The following SLC28A3 variants were observed in gnomAD, a reference collection of about 807,000 sequenced individuals.
SLC28A3 encodes concentrative Na(+)-nucleoside cotransporter 3.
In SLC28A3, 68 loss-of-function variants were observed where a neutral mutation model predicts 84.2. That is an observed-to-expected ratio of 0.81 (90% CI 0.66 to 0.99). SLC28A3 has a LOEUF of 0.99. Among genes scored for constraint, SLC28A3 ranks in the 50% least tolerant of loss-of-function variants. The pLI, the probability that SLC28A3 is intolerant of heterozygous loss-of-function variation, is 0.00. For missense variants in SLC28A3, 712 were observed against 841.5 expected (o/e 0.85, Z 1.90); for synonymous variants, 267 against 303.6 (o/e 0.88, Z 1.25).
At chr9:84,298,821 A>G (rs1467132056) in intron 6 of SLC28A3, among the ~76,000 whole-genome samples, 3 of 152,216 alleles carry the variant, frequency 2.0e-5, no homozygotes, top group Non-Finnish European at 4.4e-5. Flanking sequence ...TGTAAAAGAG[A>G]CCAATAAACT....
chr9:84,359,875 C>A, the SLC28A3 span, among the ~76,000 whole-genome samples: 1 of 151,822 alleles, frequency 6.6e-6, no homozygotes, highest in Non-Finnish European at 1.5e-5. Flanking sequence ...GTGGCACGTG[C>A]CTGTATTCCC....
At chr9:84,320,023 C>T (rs1826310331) in intron 1 of SLC28A3, among the ~76,000 whole-genome samples, 1 of 143,938 alleles carries the variant, frequency 6.9e-6, no homozygotes, top group South Asian at 2.2e-4. Context: ...TTTACTCATT[C>T]CAGCCTGGCT....
At chr9:84,360,235 A>T in the SLC28A3 span, among the ~76,000 whole-genome samples, 21 of 151,992 alleles carry the variant, frequency 1.4e-4, no homozygotes, top group African/African-American at 5.1e-4. Flanking sequence ...TCAAGGGCCC[A>T]GATTGGAAGT....
intron 17 of SLC28A3, among the ~76,000 whole-genome samples, chr9:84,278,893 AAGAT>A (rs1174842409): frequency 2.1e-4 from 32 of 151,924 alleles, no homozygotes; most frequent in Non-Finnish European, 3.7e-4. Context: ...AAAAAAAAAA[AAGAT>A]AGTGCCCAAC....
chr9:84,344,367 T>C (rs886380916), upstream of SLC28A3, among the ~76,000 whole-genome samples: 7 of 151,910 alleles, frequency 4.6e-5, no homozygotes, highest in Admixed American at 4.6e-4. Context: ...TTTTACATTT[T>C]TAGTAGAAAC....
chr9:84,357,838 G>A, the SLC28A3 span, among the ~76,000 whole-genome samples: 3 of 152,172 alleles, frequency 2.0e-5, no homozygotes, highest in African/African-American at 7.2e-5. Context: ...CTGCCTTGAA[G>A]ATGTGGACTT....
chr9:84,281,990 AC>A (rs917221219), intron 14 of SLC28A3, among the ~76,000 whole-genome samples: 11 of 151,874 alleles, frequency 7.2e-5, no homozygotes, highest in African/African-American at 2.4e-4. Context: ...AACAAAAAAA[AC>A]ATTAGCCAGG....
At position 84,299,711 on chromosome 9, in the gene SLC28A3, G is replaced by T. The variant is rs1825552281; in HGVS notation, c.539C>A (p.Ser180Tyr). ...WFWLKWVIWS[S>Y]LVLAVIFWLA... The stretch of plus-strand genomic sequence containing the variant: ...CCAGAAAATAACTGCTAGGACCAGG[G>T]AGCTCCAGATCACCCTAAGAGAAGG... The change falls in exon 6 of 18, where the codon TCC becomes TAC. Residue 180 changes from serine (S) to tyrosine (Y), a missense_variant. Ser to Tyr is a moderately radical substitution (Grantham distance 144). Coordinates refer to ENST00000376238, the MANE Select transcript of SLC28A3 (RefSeq NM_001199633.2). The T allele has an allele frequency of 1.9e-6, 3 of 1,602,084 alleles. No individual in the cohort carries two copies. The highest frequency in any genetic ancestry group is 1.7e-4 in the Middle Eastern group (1 of 5,970).
intron 10 of SLC28A3, 24 bp from the exon 11 acceptor site, chr9:84,290,303 G>A: frequency 1.2e-6 from 2 of 1,612,510 alleles, no homozygotes; most frequent in Non-Finnish European, 1.7e-6. Flanking sequence ...AGGGTGACCA[G>A]ATTCCTTTTT....
chr9:84,280,741 T>C (rs1001682068), intron 15 of SLC28A3, 60 bp downstream of exon 15: 3 of 1,554,566 alleles, frequency 1.9e-6, no homozygotes, highest in Non-Finnish European at 1.8e-6. Flanking sequence ...CAGAGCAAAA[T>C]GGGGATCCAA....
In SLC28A3 at chr9:84,340,755, G is replaced by T. The variant is rs1046622827; in HGVS notation, c.-122C>A. 13 of 1,018,392 alleles carry T rather than the reference G, an allele frequency of 1.3e-5. No homozygotes were observed. Among genetic ancestry groups the T allele is most frequent in the East Asian group, 3.0e-5 (1 of 33,810 alleles). 63.1% of individuals were successfully genotyped at this position (1,018,392 alleles called of 1,614,324 possible). ...AGGGACCTGGGCACAGCTTGCTTCA[G>T]TTTGGAAACTTCTGCAATAATCTCC... On this transcript the variant is annotated 5_prime_UTR_variant, in exon 1 of 18. It adds an upstream start codon to the 5' untranslated region. Transcript: ENST00000376238.
intron 1 of SLC28A3, among the ~76,000 whole-genome samples, chr9:84,314,968 T>C (rs895908381): frequency 6.6e-5 from 10 of 152,050 alleles, no homozygotes; most frequent in African/African-American, 2.2e-4. Context: ...TCCCAACTAC[T>C]TGGGAGGCTG....
the SLC28A3 span, among the ~76,000 whole-genome samples, chr9:84,347,434 C>G: frequency 1.3e-5 from 2 of 152,112 alleles, no homozygotes; most frequent in African/African-American, 4.8e-5. Context: ...AATTTGAGCC[C>G]ATGCCTGTGA....
At chr9:84,360,560 A>C in the SLC28A3 span, among the ~76,000 whole-genome samples, 1 of 152,092 alleles carries the variant, frequency 6.6e-6, no homozygotes, top group Admixed American at 6.6e-5. Flanking sequence ...CAAGAGAAAA[A>C]CGTCCAGGAT....
At chr9:84,333,328 C>G (rs73466573) in intron 1 of SLC28A3, among the ~76,000 whole-genome samples, 2 of 151,906 alleles carry the variant, frequency 1.3e-5, no homozygotes, top group Admixed American at 6.6e-5. Flanking sequence ...ATGGGGGAAG[C>G]GTGTAGCTTT....
intron 17 of SLC28A3, among the ~76,000 whole-genome samples, chr9:84,278,878 G>GA (rs34802574): frequency 0.22 from 26,434 of 120,616 alleles, 2,776 homozygotes; most frequent in African/African-American, 0.33. Context: ...TTTGTGGAAT[G>GA]AAAAAAAAAA....
rs957955118 is a variant in SLC28A3, at chr9:84,286,100, T to G, written c.1292A>C (p.Asn431Thr). 3 of 1,613,440 alleles carry G rather than the reference T, an allele frequency of 1.9e-6. No individual in the cohort carries two copies. Among genetic ancestry groups the G allele is most frequent in the Non-Finnish European group, 1.7e-6 (2 of 1,179,704 alleles). Residue 431 changes from asparagine to threonine, a missense_variant, in exon 13 of 18, where the codon AAT becomes ACT. Asn to Thr is a moderately conservative substitution (Grantham distance 65). Transcript: ENST00000376238. ...AMKMESGDSGNLLEAATQGAS... is the reference protein window; with the variant it reads ...AMKMESGDSGTLLEAATQGAS... ...TCCCTGTGTTGCAGCTTCTAGAAGA[T>G]TCCCTGAATCACTTTATCAAGAAAT...
rs192033749 is a variant in SLC28A3 at position 84,288,340 on chromosome 9, G to A, written c.1150-162C>T. Among the ~76,000 whole-genome samples the A allele has an allele frequency of 1.6e-3, 237 of 152,292 alleles. 1 individual carries two copies. Among genetic ancestry groups the A allele is most frequent in the Admixed American group, 0.012 (181 of 15,304 alleles). On this transcript the variant is annotated intron_variant, in intron 11 of 17. Transcript: ENST00000376238. ...TCTGGAAGAGCCACTCTAGCTCATT[G>A]AGCCAAGTCGCGGGCATCACCTTGA...
chr9:84,305,607 G>A (rs1407279128), intron 3 of SLC28A3, among the ~76,000 whole-genome samples: 1 of 152,184 alleles, frequency 6.6e-6, no homozygotes, highest in Non-Finnish European at 1.5e-5. Flanking sequence ...CATGCTCCTG[G>A]GAACAGAGCA....
Sources: gnomAD v4.1 joint callset for allele counts (sites outside exome capture counted in the v4.1 genomes callset) on GRCh38, gnomAD v4.1.1 for gene constraint, MANE v1.5 for transcripts, NCBI Gene and HGNC (gene_info 2026-07-23, HGNC 2026-07-21) for gene names.